The following CAMK2B variants were observed in gnomAD, a reference collection of about 807,000 sequenced individuals.
CAMK2B encodes calcium/calmodulin dependent protein kinase II beta.
In CAMK2B, 27 loss-of-function variants were observed where a neutral mutation model predicts 93.7. That is an observed-to-expected ratio of 0.29 (90% confidence interval 0.21 to 0.40). CAMK2B has a LOEUF of 0.40. Among genes scored for constraint, CAMK2B ranks in the 10% least tolerant of loss-of-function variants. CAMK2B has a pLI of 1.00. For synonymous variants in CAMK2B, 374 were observed against 358.8 expected (o/e 1.04, Z -0.48); for missense variants, 568 against 895.8 (o/e 0.63, Z 4.67).
At chr7:44,293,243 G>A (rs1244413560) in intron 1 of CAMK2B, among the ~76,000 whole-genome samples, 1 of 152,182 alleles carries the variant, frequency 6.6e-6, no homozygotes, top group Non-Finnish European at 1.5e-5. Context: ...CTCATCCTCT[G>A]GTCAAGCCAG....
In CAMK2B at chr7:44,220,866, G is replaced by A; in HGVS notation, c.1633C>T (p.Leu545Phe). The change falls in exon 21 of 24, where the codon CTC (leucine) becomes TTC (phenylalanine). Residue 545 changes from leucine (L) to phenylalanine (F), a missense_variant. Leu to Phe is a conservative substitution (Grantham distance 22). Coordinates refer to ENST00000395749, the MANE Select transcript of CAMK2B (RefSeq NM_001220.5). Reference protein sequence around the residue: ...KQEIIKTTEQLIEAVNNGDFE... With the variant: ...KQEIIKTTEQFIEAVNNGDFE... ...TCACCGTTGTTGACGGCCTCGATGA[G>A]CTGCTCCGTGGTCTTAATGATCTCC... The A allele has an allele frequency of 1.3e-6, 2 of 1,573,300 alleles. No homozygotes were observed.
chr7:44,325,460 T>G lies in CAMK2B; in HGVS notation c.-39A>C. The G allele has an allele frequency of 2.9e-6, 3 of 1,039,938 alleles. No homozygotes were observed. The highest frequency in any genetic ancestry group is 3.5e-6 in the Non-Finnish European group (3 of 856,518). The allele number at this position is 1,039,938 out of a possible 1,614,324, so 64.4% of individuals were successfully genotyped here. A position where few individuals can be genotyped will look rare whatever the true frequency, so the allele number is the denominator to read the frequency against. On this transcript the variant is annotated 5_prime_UTR_variant, in exon 1 of 24. Coordinates refer to ENST00000395749, the MANE Select transcript of CAMK2B (RefSeq NM_001220.5). ...GGGCTCGGCGTGCGCTCGGCTGCGC[T>G]CGGGCGGCGGCGACTCCGGCTCCCG...
intron 16 of CAMK2B, among the ~76,000 whole-genome samples, chr7:44,232,559 G>A (rs1326936773): frequency 6.6e-6 from 1 of 152,192 alleles, no homozygotes; most frequent in East Asian, 1.9e-4. Context: ...GGTGGGACAC[G>A]CAGAGCCCTG....
intron 1 of CAMK2B, among the ~76,000 whole-genome samples, chr7:44,284,917 G>T (rs1784639473): frequency 6.6e-6 from 1 of 152,206 alleles, no homozygotes; most frequent in Non-Finnish European, 1.5e-5. Context: ...GACAGCCTGG[G>T]GGTAGGGAGA....
chr7:44,324,390 G>C lies in CAMK2B; in HGVS notation c.65+967C>G, dbSNP rs543243538. On this transcript the variant is annotated intron_variant, in intron 1 of 23. Transcript: ENST00000395749. ...TCTGAAGCTAGCCCTAGGGATGCCA[G>C]GTGCAGCCACCTTGATTCTCAGAAC... Among the ~76,000 whole-genome samples, 5 of 141,710 alleles carry C rather than the reference G, an allele frequency of 3.5e-5. No homozygotes were observed. The South Asian group carries it at 1.2e-3, about 33-fold the overall frequency. 93.0% of individuals were successfully genotyped at this position (141,710 alleles called of 152,430 possible). A position where few individuals can be genotyped will look rare whatever the true frequency, so the allele number is the denominator to read the frequency against.
At chr7:44,221,153 T>G (rs2096399634) in intron 20 of CAMK2B, among the ~76,000 whole-genome samples, 1 of 152,214 alleles carries the variant, frequency 6.6e-6, no homozygotes, top group Non-Finnish European at 1.5e-5. Flanking sequence ...TCTATCCACA[T>G]TACAAAATGC....
At chr7:44,220,519 G>T in intron 22 of CAMK2B, 97 bp downstream of exon 22, 1 of 1,098,092 alleles carries the variant, frequency 9.1e-7, no homozygotes. Context: ...GAGGGGACAG[G>T]GCTTCCATAG....
intron 1 of CAMK2B, among the ~76,000 whole-genome samples, chr7:44,299,101 T>C (rs1387749841): frequency 1.3e-5 from 2 of 152,184 alleles, no homozygotes; most frequent in Non-Finnish European, 2.9e-5. Context: ...ACAATATTCA[T>C]AGCAGCATTA....
At chr7:44,317,265 G>C (rs1002870522) in intron 1 of CAMK2B, among the ~76,000 whole-genome samples, 6 of 125,724 alleles carry the variant, frequency 4.8e-5, no homozygotes, top group Admixed American at 2.3e-4. Context: ...AAAAAAAAAA[G>C]CATGGTGATT....
At chr7:44,267,722 T>C (rs1384431709) in intron 2 of CAMK2B, among the ~76,000 whole-genome samples, 2 of 152,144 alleles carry the variant, frequency 1.3e-5, no homozygotes, top group Middle Eastern at 6.8e-3. Flanking sequence ...ACAGATCAAA[T>C]ACAGCATTCA....
chr7:44,230,622 G>T (rs2096570056), intron 17 of CAMK2B, among the ~76,000 whole-genome samples: 1 of 152,210 alleles, frequency 6.6e-6, no homozygotes, highest in South Asian at 2.1e-4. Context: ...CGGCCACTTG[G>T]CAAGTGCATG....
At chr7:44,321,312 A>C (rs1332682018) in intron 1 of CAMK2B, among the ~76,000 whole-genome samples, 1 of 152,226 alleles carries the variant, frequency 6.6e-6, no homozygotes, top group African/African-American at 2.4e-5. Flanking sequence ...GCGAGCGGTC[A>C]GGCCACACAC....
chr7:44,295,141 G>A (rs1198693217), intron 1 of CAMK2B, among the ~76,000 whole-genome samples: 3 of 152,200 alleles, frequency 2.0e-5, no homozygotes, highest in Non-Finnish European at 4.4e-5. Flanking sequence ...AGAATAACAG[G>A]TGCCTACCTC....
chr7:44,220,106 C>A lies in CAMK2B; in HGVS notation c.1957G>T (p.Val653Leu), dbSNP rs1282961937. The A allele has an allele frequency of 1.2e-6, 2 of 1,609,656 alleles. No homozygotes were observed. Among genetic ancestry groups the A allele is most frequent in the East Asian group, 2.2e-5 (1 of 44,812 alleles). Residue 653 changes from valine (V) to leucine (L), a missense_variant, in exon 23 of 24, where the codon GTG becomes TTG. Transcript: ENST00000395749. ...WHRRDGKWQN[V>L]HFHCSGAPVA... ...GGCGCGCCCGAGCAGTGGAAGTGCA[C>A]GTTCTGCCACTTGCCGTCGCGGCGG...
intron 4 of CAMK2B, among the ~76,000 whole-genome samples, chr7:44,257,527 A>G (rs1338060335): frequency 6.6e-6 from 1 of 152,024 alleles, no homozygotes; most frequent in Non-Finnish European, 1.5e-5. Flanking sequence ...CCCCCACCCC[A>G]CAGTCTCCAT....
intron 13 of CAMK2B, among the ~76,000 whole-genome samples, chr7:44,234,991 C>A (rs1212770221): frequency 2.0e-5 from 3 of 152,244 alleles, no homozygotes; most frequent in Non-Finnish European, 4.4e-5. Flanking sequence ...GCAAGCTCTT[C>A]CTAGAGGAAG....
At chr7:44,234,584 G>A (rs986519850) in intron 14 of CAMK2B, 55 bp downstream of exon 14, 43 of 1,605,560 alleles carry the variant, frequency 2.7e-5, no homozygotes, top group Non-Finnish European at 3.4e-5. Context: ...GGGCGTGGGG[G>A]TGAAGCTGCA....
At chr7:44,287,779 A>C (rs1035787432) in intron 1 of CAMK2B, among the ~76,000 whole-genome samples, 2 of 152,208 alleles carry the variant, frequency 1.3e-5, no homozygotes, top group African/African-American at 4.8e-5. Flanking sequence ...GATCCAATGC[A>C]AACAGCTCCC....
intron 2 of CAMK2B, among the ~76,000 whole-genome samples, chr7:44,276,424 G>GCC (rs1266366933): frequency 7.9e-5 from 12 of 151,932 alleles, no homozygotes; most frequent in African/African-American, 2.9e-4. Context: ...CCCGGAGGCA[G>GCC]CACCCCCCCG....
Sources: allele counts gnomAD v4.1 joint callset (sites outside exome capture counted in the v4.1 genomes callset), GRCh38; gene constraint gnomAD v4.1.1; transcripts MANE v1.5; gene names NCBI Gene and HGNC (gene_info 2026-07-23, HGNC 2026-07-21).